Variants in NDEL1 observed in about 807,000 individuals in gnomAD.
NDEL1 encodes the protein nuclear distribution protein nudE-like 1.
In NDEL1, 9 loss-of-function variants were observed where a neutral mutation model predicts 45.7. The ratio of observed to expected loss-of-function variants is 0.20; its 90% CI spans 0.12 to 0.34. The LOEUF (loss-of-function observed/expected upper bound fraction) is 0.34. Among genes scored for constraint, NDEL1 ranks in the 10% least tolerant of loss-of-function variants. The probability of loss-of-function intolerance (pLI) is 1.00; values close to 1 mark genes in which losing one functional copy is unlikely to be tolerated. For missense variants in NDEL1, 306 were observed against 406.2 expected, an observed-to-expected ratio of 0.75 and a Z score of 2.12; for synonymous variants, 133 against 158.6, an observed-to-expected ratio of 0.84 and a Z score of 1.21.
chr17:8,453,465 A>T (rs1410025972), intron 6 of NDEL1, among the ~76,000 whole-genome samples: 1 of 152,196 alleles, frequency 6.6e-6, no homozygotes, highest in East Asian at 1.9e-4. Flanking sequence ...GCCCCCTCTT[A>T]CATATGGGTC....
At chr17:8,473,167 A>G (rs796514554) in intron 3 of NDEL1, among the ~76,000 whole-genome samples, 27 of 152,234 alleles carry the variant, frequency 1.8e-4, no homozygotes, top group African/African-American at 6.5e-4. Context: ...AACACCAGTT[A>G]GATCAGCCAG....
At chr17:8,471,401 G>A (rs984205935), downstream of NDEL1, among the ~76,000 whole-genome samples, 9 of 152,204 alleles carry the variant, frequency 5.9e-5, no homozygotes, top group Admixed American at 2.0e-4. Flanking sequence ...TCACAGCTGC[G>A]CCTACTGACA....
rs979032411 is a variant in NDEL1, at chr17:8,446,671, C to CT, written c.241-83_241-82insT. The stretch of plus-strand genomic sequence containing the variant: ...TGTGGGTAAATTCCTTGGGTTCCCC[C>CT]CCACCCTTTTAACTTGAGTTACCTC... On this transcript the variant is annotated intron_variant, in intron 3 of 8. Transcript: ENST00000334527. 4.8e-6 allele frequency: 7 copies of CT among 1,471,822 alleles called. No individual in the cohort carries two copies. The East Asian group carries it at 1.4e-4, about 29-fold the overall frequency. 91.2% of individuals were successfully genotyped at this position (1,471,822 alleles called of 1,614,324 possible). A position where few individuals can be genotyped will look rare whatever the true frequency, so the allele number is the denominator to read the frequency against.
At chr17:8,445,611 A>G in intron 2 of NDEL1, 100 bp from the exon 3 acceptor site, 1 of 1,257,454 alleles carries the variant, frequency 8.0e-7, no homozygotes, top group Non-Finnish European at 1.1e-6. Context: ...TGAGAGCATT[A>G]GCATTCAAGC....
chr17:8,428,955 G>T lies in NDEL1; in HGVS notation c.-12-15305G>T, dbSNP rs1356014661. On this transcript the variant is annotated intron_variant, in intron 1 of 4. Coordinates refer to the NDEL1 transcript ENST00000582812. ...CCCAAAGTGCTGGGATTACAGGCAT[G>T]AGCCACCGCGCCCGGCCTATTTTTA... Among the ~76,000 whole-genome samples, 13 of 152,146 alleles carry T rather than the reference G, an allele frequency of 8.5e-5. No individual in the cohort carries two copies. The South Asian group carries it at 1.2e-3, about 15-fold the overall frequency.
chr17:8,432,138 C>G (rs978581162), upstream of NDEL1: 8 of 151,496 alleles, frequency 5.3e-5, no homozygotes, highest in African/African-American at 9.7e-5. Flanking sequence ...GCTGAGATTA[C>G]AGGTGTGAGC....
rs1909309530 is a variant in NDEL1, at chr17:8,436,059, G to T, written c.-13+14G>T. On this transcript the variant is annotated intron_variant, in intron 1 of 8. Transcript: ENST00000334527. ...GACACATTGGAGGTGAGCCTGCAGC[G>T]CGGGGCCGCTCCCTAAGGGGCTGCG... The T allele has an allele frequency of 2.3e-6, 1 of 429,348 alleles. No individual in the cohort carries two copies. Among genetic ancestry groups the T allele is most frequent in the Non-Finnish European group, 4.6e-6 (1 of 215,810 alleles). 26.6% of individuals were successfully genotyped at this position (429,348 alleles called of 1,614,324 possible).
intron 7 of NDEL1, among the ~76,000 whole-genome samples, chr17:8,457,854 ATTTATGTATAATG>A (rs1910942006): frequency 1.3e-5 from 2 of 152,176 alleles, no homozygotes; most frequent in African/African-American, 2.4e-5. Flanking sequence ...ATGCGTTAAT[ATTTATGTATAATG>A]TTTATGTATT....
chr17:8,448,770 T>G (rs989556090), intron 5 of NDEL1, 84 bp downstream of exon 5: 13 of 1,324,872 alleles, frequency 9.8e-6, no homozygotes, highest in Middle Eastern at 4.5e-4. Context: ...CTCTGATTTT[T>G]TTTCAACCAA....
intron 1 of NDEL1, among the ~76,000 whole-genome samples, chr17:8,425,362 G>C (rs191691513): frequency 2.0e-5 from 3 of 152,202 alleles, no homozygotes; most frequent in African/African-American, 7.2e-5. Flanking sequence ...GTGGAGGATC[G>C]CTTGAGCCTA....
chr17:8,417,489 G>A (rs1412398731), intron 1 of NDEL1, among the ~76,000 whole-genome samples: 1 of 152,136 alleles, frequency 6.6e-6, no homozygotes, highest in Non-Finnish European at 1.5e-5. Context: ...ATTCCTTGTT[G>A]AATGTTCATT....
At chr17:8,428,898 C>A (rs1461498982) in intron 1 of NDEL1, among the ~76,000 whole-genome samples, 3 of 152,088 alleles carry the variant, frequency 2.0e-5, no homozygotes, top group Non-Finnish European at 4.4e-5. Flanking sequence ...TGGTCTCGAT[C>A]TCCTGACCTT....
intron 7 of NDEL1, 119 bp from the exon 8 acceptor site, chr17:8,459,890 C>A: frequency 3.0e-6 from 3 of 988,392 alleles, no homozygotes; most frequent in South Asian, 3.2e-5. Context: ...CTGAACTAAC[C>A]ACCATTATCA....
At chr17:8,448,834 C>T in intron 5 of NDEL1, 148 bp downstream of exon 5, 1 of 858,578 alleles carries the variant, frequency 1.2e-6, no homozygotes, top group African/African-American at 1.7e-5. Context: ...ATATGGAGGG[C>T]TGACTTTTCA....
chr17:8,435,877 C>G (rs1479761375), upstream of NDEL1: 1 of 447,426 alleles, frequency 2.2e-6, no homozygotes, highest in Non-Finnish European at 4.5e-6. Context: ...GCCTCGGACA[C>G]CCAGGCAGTC....
intron 1 of NDEL1, among the ~76,000 whole-genome samples, chr17:8,418,803 C>G (rs1429594031): frequency 7.2e-6 from 1 of 139,332 alleles, no homozygotes; most frequent in Non-Finnish European, 1.6e-5. Context: ...TTTTCTTTTC[C>G]TTTTCTTTTC....
At chr17:8,441,247 A>G (rs530181953) in intron 1 of NDEL1, among the ~76,000 whole-genome samples, 1 of 152,348 alleles carries the variant, frequency 6.6e-6, no homozygotes, top group South Asian at 2.1e-4. Context: ...AGGGACTGAG[A>G]TGGCTGCCAA....
At chr17:8,451,777 C>CT (rs35774232) in intron 6 of NDEL1, among the ~76,000 whole-genome samples, 8 of 151,106 alleles carry the variant, frequency 5.3e-5, no homozygotes, top group Admixed American at 1.3e-4. Flanking sequence ...TCCCCCCTTG[C>CT]TTTTTTTTTC....
In NDEL1 at chr17:8,436,110, C is replaced by G. The variant is rs959169304; in HGVS notation, c.-13+65C>G. On this transcript the variant is annotated intron_variant, in intron 1 of 8. Transcript: ENST00000334527. ...CTGGGCCGGCGGCGCCGAGGCCTGC[C>G]CTTGGGGAGCCTTCCCGGCCCGGGG... 7 of 302,438 alleles carry G rather than the reference C, an allele frequency of 2.3e-5. No homozygotes were observed. The East Asian group carries it at 1.1e-3, about 47-fold the overall frequency. The allele number at this position is 302,438 out of a possible 1,614,324, so 18.7% of individuals were successfully genotyped here. A position where few individuals can be genotyped will look rare whatever the true frequency, so the allele number is the denominator to read the frequency against.
Sources: allele counts gnomAD v4.1 joint callset (sites outside exome capture counted in the v4.1 genomes callset), GRCh38; gene constraint gnomAD v4.1.1; transcripts MANE v1.5; gene names NCBI Gene and HGNC (gene_info 2026-07-23, HGNC 2026-07-21).